Variants in USP22 observed in about 807,000 individuals in gnomAD.
USP22 encodes the protein ubiquitin specific peptidase 22.
USP22 carries 22 observed loss-of-function variants against 68.1 expected under a neutral mutation model. The ratio of observed to expected loss-of-function variants is 0.32; its 90% confidence interval spans 0.23 to 0.46. The LOEUF (loss-of-function observed/expected upper bound fraction) is 0.46. Ranked by LOEUF, USP22 falls within the 20% of genes least tolerant of loss-of-function variation. USP22 has a pLI of 1.00. For missense variants in USP22, 433 were observed against 695.8 expected (o/e 0.62, Z 4.25); for synonymous variants, 279 against 274.2 (o/e 1.02, Z -0.17).
chr17:21,040,383 CCCAGTCA>C (rs1196135792), intron 1 of USP22, among the ~76,000 whole-genome samples: 3 of 152,154 alleles, frequency 2.0e-5, no homozygotes, highest in African/African-American at 7.2e-5. Context: ...AATAAGTCCC[CCCAGTCA>C]GAGGAAAAAG....
chr17:21,002,811 A>C lies in USP22; in HGVS notation c.*220T>G. 8 of 527,392 alleles carry C rather than the reference A, an allele frequency of 1.5e-5. No homozygotes were observed. The highest frequency in any genetic ancestry group is 2.4e-5 in the Non-Finnish European group (7 of 288,082). 32.7% of individuals were successfully genotyped at this position (527,392 alleles called of 1,614,324 possible). ...TCCTCCCACCCAGAGCACACCCCTC[A>C]TCTCATCCATCTTCAAAGCAGCTCC... On this transcript the variant is annotated 3_prime_UTR_variant, in exon 13 of 13. Coordinates refer to ENST00000261497, the MANE Select transcript of USP22 (RefSeq NM_015276.2).
At chr17:21,004,481 C>A in intron 11 of USP22, 130 bp from the exon 12 acceptor site, 1 of 1,161,700 alleles carries the variant, frequency 8.6e-7, no homozygotes, top group South Asian at 1.5e-5. Flanking sequence ...CCCAGGGCCT[C>A]AGGCTGATGC....
chr17:21,009,821 A>G lies in USP22; in HGVS notation c.1103+1330T>C, dbSNP rs1161767582. ...AATACAAAAGTTAGCCGGATATGGT[A>G]GCAAGCACCTGTAATCCCAGCCACT... On this transcript the variant is annotated intron_variant, in intron 8 of 12. Transcript: ENST00000261497. Among the ~76,000 whole-genome samples, 6 of 152,070 alleles carry G rather than the reference A, an allele frequency of 3.9e-5. 1 individual carries two copies. The highest frequency in any genetic ancestry group is 2.1e-4 in the South Asian group (1 of 4,824).
chr17:21,019,287 T>C, intron 3 of USP22, 102 bp from the exon 4 acceptor site: 1 of 1,156,534 alleles, frequency 8.6e-7, no homozygotes, highest in East Asian at 2.4e-5. Context: ...TCAGGGTGCA[T>C]TTCAGTGAGC....
At chr17:21,007,813 C>T (rs764861475) in intron 9 of USP22, 57 bp downstream of exon 9, 20 of 1,609,036 alleles carry the variant, frequency 1.2e-5, no homozygotes, top group Middle Eastern at 1.6e-4. Flanking sequence ...GGCTGAGGAC[C>T]GTACTGTGGA....
intron 2 of USP22, among the ~76,000 whole-genome samples, 173 bp downstream of exon 2, chr17:21,028,369 T>G (rs1972248123): frequency 6.6e-6 from 1 of 152,178 alleles, no homozygotes; most frequent in African/African-American, 2.4e-5. Flanking sequence ...AGGACGCGAT[T>G]CAGCTGAGCT....
rs930002406 is a variant in USP22 at position 21,002,424 on chromosome 17, C to T, written c.*607G>A. 4 of 152,372 alleles carry T rather than the reference C, an allele frequency of 2.6e-5. No homozygotes were observed. The highest frequency in any genetic ancestry group is 4.4e-5 in the Non-Finnish European group (3 of 68,192). 9.4% of individuals were successfully genotyped at this position (152,372 alleles called of 1,614,324 possible). A position where few individuals can be genotyped will look rare whatever the true frequency, so the allele number is the denominator to read the frequency against. ...TCTAGAAAACCGCGAGATGCTTCCA[C>T]GTGCAGCTTGATGCTGTTACCTGCA... On this transcript the variant is annotated 3_prime_UTR_variant, in exon 13 of 13. Coordinates refer to ENST00000261497, the MANE Select transcript of USP22 (RefSeq NM_015276.2).
At chr17:21,020,084 G>C (rs897167300) in intron 3 of USP22, among the ~76,000 whole-genome samples, 1 of 152,094 alleles carries the variant, frequency 6.6e-6, no homozygotes, top group Non-Finnish European at 1.5e-5. Flanking sequence ...ATCAAGGCAA[G>C]AATGTAAAAC....
In USP22 at chr17:21,015,402, C is replaced by T. The variant is rs542056492; in HGVS notation, c.838+350G>A. ...GTTGTGTTTGGGGGATGTCCAGAAG[C>T]CTCAGGCCTGATAACCCACAGGGTC... On this transcript the variant is annotated intron_variant, in intron 6 of 12. Coordinates refer to ENST00000261497, the MANE Select transcript of USP22 (RefSeq NM_015276.2). 3.3e-5 allele frequency among the ~76,000 whole-genome samples: 5 copies of T among 152,254 alleles called. No homozygotes were observed. The South Asian group carries it at 6.2e-4, about 19-fold the overall frequency.
intron 3 of USP22, among the ~76,000 whole-genome samples, chr17:21,019,927 T>C (rs1972132678): frequency 6.6e-6 from 1 of 152,214 alleles, no homozygotes; most frequent in South Asian, 2.1e-4. Flanking sequence ...TGTTATTAAA[T>C]TTCTGAGAGG....
chr17:21,043,297 C>CCCCCCCCCCT (rs1972472978), upstream of USP22: 3 of 60,708 alleles, frequency 4.9e-5, 1 homozygote, highest in Non-Finnish European at 1.1e-4. Flanking sequence ...TGGTAGTAGG[C>CCCCCCCCCCT]CACCCCCCCC....
At chr17:21,003,536 C>G (rs978478015) in intron 12 of USP22, among the ~76,000 whole-genome samples, 17 of 152,352 alleles carry the variant, frequency 1.1e-4, no homozygotes, top group Admixed American at 5.9e-4. Flanking sequence ...TGGGGTCCCC[C>G]TGACCCCTGG....
At chr17:21,039,188 T>A (rs1285460938) in intron 1 of USP22, among the ~76,000 whole-genome samples, 2 of 151,750 alleles carry the variant, frequency 1.3e-5, no homozygotes, top group African/African-American at 4.8e-5. Context: ...CCTGACCTCG[T>A]GATCCGCCCG....
At chr17:21,031,073 C>A (rs1972284621) in intron 1 of USP22, among the ~76,000 whole-genome samples, 1 of 152,100 alleles carries the variant, frequency 6.6e-6, no homozygotes, top group African/African-American at 2.4e-5. Flanking sequence ...TAAATGTATA[C>A]AATATTCATT....
rs978929148 is a variant in USP22 at position 21,004,842 on chromosome 17, G to A, written c.1385+86C>T. 1.1e-4 allele frequency: 162 copies of A among 1,493,930 alleles called. No individual in the cohort carries two copies. The South Asian group carries it at 1.2e-3, about 11-fold the overall frequency. The allele number at this position is 1,493,930 out of a possible 1,614,324, so 92.5% of individuals were successfully genotyped here. A position where few individuals can be genotyped will look rare whatever the true frequency, so the allele number is the denominator to read the frequency against. On this transcript the variant is annotated intron_variant, in intron 11 of 12. Transcript: ENST00000261497. ...GAAGCAGGTCAGTGGCGGGGGATCCGCTGGGCGCCCTACAAGGCAGACAGG... is the reference window on the plus strand; with the variant it reads ...GAAGCAGGTCAGTGGCGGGGGATCCACTGGGCGCCCTACAAGGCAGACAGG...
chr17:21,005,443 T>A (rs1281840568), intron 10 of USP22, among the ~76,000 whole-genome samples: 1 of 152,188 alleles, frequency 6.6e-6, no homozygotes, highest in African/African-American at 2.4e-5. Context: ...GCACCTCCCC[T>A]GGTGAGATGG....
At chr17:21,039,171 T>C (rs1972394870) in intron 1 of USP22, among the ~76,000 whole-genome samples, 1 of 151,674 alleles carries the variant, frequency 6.6e-6, no homozygotes, top group African/African-American at 2.4e-5. Context: ...CAGGATGGTC[T>C]CGATCTCCTG....
intron 6 of USP22, among the ~76,000 whole-genome samples, chr17:21,014,371 G>A (rs1344314483): frequency 2.0e-5 from 3 of 152,174 alleles, no homozygotes; most frequent in Non-Finnish European, 4.4e-5. Flanking sequence ...TTCTCACTAG[G>A]TGCTTGGGGT....
chr17:21,014,889 C>G (rs1299920444), intron 6 of USP22, among the ~76,000 whole-genome samples: 2 of 152,196 alleles, frequency 1.3e-5, no homozygotes, highest in Non-Finnish European at 2.9e-5. Context: ...TCTGAACCAG[C>G]GGCATCAACA....
Sources: allele counts gnomAD v4.1 joint callset (sites outside exome capture counted in the v4.1 genomes callset), GRCh38; gene constraint gnomAD v4.1.1; transcripts MANE v1.5; gene names NCBI Gene and HGNC (gene_info 2026-07-23, HGNC 2026-07-21).